Variants in USP31 observed in about 807,000 individuals in gnomAD.
USP31 encodes ubiquitin carboxyl-terminal hydrolase 31.
A neutral mutation model predicts 119.4 loss-of-function variants in USP31; 44 were observed. The observed-to-expected ratio is 0.37, with a 90% CI of 0.29 to 0.47. USP31 has a LOEUF of 0.47. Among genes scored for constraint, USP31 ranks in the 20% least tolerant of loss-of-function variants. The pLI is 0.99. For missense variants in USP31, 1,643 were observed against 1,730.2 expected (o/e 0.95, Z 0.89); for synonymous variants, 749 against 705.6 (o/e 1.06, Z -0.97).
rs34288248 is a variant in USP31, at chr16:23,078,310, CAAAAAAAAAAAAA to C, written c.2176+1623_2176+1635del. Reference sequence around the variant, plus strand: ...CTGGTGAGAGAGCGAGACTCCGTCGCAAAAAAAAAAAAAAAAAAAAAGTATTTATAAAAAATTA... The same window carrying C: ...CTGGTGAGAGAGCGAGACTCCGTCGCAAAAAAAAGTATTTATAAAAAATTA... On this transcript the variant is annotated intron_variant, in intron 13 of 15. Transcript: ENST00000219689. Among the ~76,000 whole-genome samples, 7 of 71,146 alleles carry C rather than the reference CAAAAAAAAAAAAA, an allele frequency of 9.8e-5. No individual in the cohort carries two copies. The East Asian group carries it at 3.4e-3, about 35-fold the overall frequency. 46.7% of individuals were successfully genotyped at this position (71,146 alleles called of 152,430 possible). A position where few individuals can be genotyped will look rare whatever the true frequency, so the allele number is the denominator to read the frequency against.
At chr16:23,139,661 T>C (rs1903297207) in intron 1 of USP31, among the ~76,000 whole-genome samples, 1 of 152,146 alleles carries the variant, frequency 6.6e-6, no homozygotes, top group Non-Finnish European at 1.5e-5. Flanking sequence ...AATTATCACC[T>C]CTATGCAGCT....
At chr16:23,089,401 G>A (rs887768383) in intron 7 of USP31, among the ~76,000 whole-genome samples, 2 of 152,008 alleles carry the variant, frequency 1.3e-5, no homozygotes, top group East Asian at 1.9e-4. Context: ...GTTCATAGTC[G>A]GTCTGTCCTA....
chr16:23,096,807 C>T (rs1274029272), intron 6 of USP31, among the ~76,000 whole-genome samples: 1 of 152,164 alleles, frequency 6.6e-6, no homozygotes, highest in Non-Finnish European at 1.5e-5. Context: ...AGAACAAAGA[C>T]AACGTACCAG....
chr16:23,113,817 T>C (rs1489952264), intron 1 of USP31, among the ~76,000 whole-genome samples: 1 of 152,064 alleles, frequency 6.6e-6, no homozygotes, highest in Non-Finnish European at 1.5e-5. Context: ...TAAAGATGAT[T>C]CTTCAGGCTG....
chr16:23,072,336 G>C (rs1433542862), intron 14 of USP31, 139 bp from the exon 15 acceptor site: 1 of 1,188,170 alleles, frequency 8.4e-7, no homozygotes, highest in Non-Finnish European at 1.2e-6. Context: ...TCAATTCCCA[G>C]ACCCTGTGTC....
chr16:23,090,551 T>A (rs1901311005), intron 7 of USP31, 73 bp downstream of exon 7: 6 of 1,404,870 alleles, frequency 4.3e-6, no homozygotes, highest in Non-Finnish European at 5.7e-6. Context: ...TTTTTGCCCA[T>A]GCTTTTTAAC....
At chr16:23,145,693 T>C (rs1451296793) in intron 1 of USP31, among the ~76,000 whole-genome samples, 1 of 151,988 alleles carries the variant, frequency 6.6e-6, no homozygotes, top group African/African-American at 2.4e-5. Context: ...AGACAACAGG[T>C]GGAAATACAG....
intron 1 of USP31, among the ~76,000 whole-genome samples, chr16:23,145,321 G>T (rs1399132581): frequency 6.6e-6 from 1 of 152,276 alleles, no homozygotes; most frequent in East Asian, 1.9e-4. Flanking sequence ...TTCCTTTGTA[G>T]CAAGATCCCC....
chr16:23,064,818 G>C lies in USP31; in HGVS notation c.*3228C>G, dbSNP rs1311149426. On this transcript the variant is annotated 3_prime_UTR_variant, in exon 16 of 16. Transcript: ENST00000219689. ...TGCTCAAAGAAGGCCCTCCATAAAC[G>C]TTTGCAGAATGAATGATGAAAACAA... 6.8e-6 allele frequency: 1 copy of C among 146,906 alleles called. No individual in the cohort carries two copies. Among genetic ancestry groups the C allele is most frequent in the African/African-American group, 2.5e-5 (1 of 40,734 alleles). The allele number at this position is 146,906 out of a possible 1,614,324, so 9.1% of individuals were successfully genotyped here. A position where few individuals can be genotyped will look rare whatever the true frequency, so the allele number is the denominator to read the frequency against.
chr16:23,121,715 TAAC>T (rs1235754445), intron 1 of USP31, among the ~76,000 whole-genome samples: 1 of 152,216 alleles, frequency 6.6e-6, no homozygotes, highest in African/African-American at 2.4e-5. Flanking sequence ...ATTTTCTACT[TAAC>T]AACTTAAAGA....
chr16:23,144,531 G>A lies in USP31; in HGVS notation c.633+4107C>T, dbSNP rs147687218. Among the ~76,000 whole-genome samples, 1,238 of 151,890 alleles carry A rather than the reference G, an allele frequency of 8.2e-3. 8 individuals are homozygous for A. Among genetic ancestry groups the A allele is most frequent in the African/African-American group, 0.013 (545 of 41,416 alleles). Reference sequence around the variant, plus strand: ...GTCTCACTCTGTCACCCAGGCTGGAGCGCAGTGACATGATCTCTGCTCACT... The same window carrying A: ...GTCTCACTCTGTCACCCAGGCTGGAACGCAGTGACATGATCTCTGCTCACT... On this transcript the variant is annotated intron_variant, in intron 1 of 15. Coordinates refer to ENST00000219689, the MANE Select transcript of USP31 (RefSeq NM_020718.4).
chr16:23,075,554 C>T (rs1900531920), intron 13 of USP31, among the ~76,000 whole-genome samples: 2 of 152,000 alleles, frequency 1.3e-5, no homozygotes, highest in East Asian at 3.9e-4. Context: ...GAGAGAAGCA[C>T]CAAAAAGGAG....
rs1900030774 is a variant in USP31 at position 23,065,523 on chromosome 16, TTTACCAAC to T, written c.*2515_*2522del. 6.6e-6 allele frequency: 1 copy of T among 152,558 alleles called. No homozygotes were observed. The allele number at this position is 152,558 out of a possible 1,614,324, so 9.5% of individuals were successfully genotyped here. ...GTTGGAGATAATGAAATTTTCACTG[TTTACCAAC>T]TATGGAAATAAAATAGCTTCATGAT... On this transcript the variant is annotated 3_prime_UTR_variant, in exon 16 of 16. Coordinates refer to ENST00000219689, the MANE Select transcript of USP31 (RefSeq NM_020718.4).
At position 23,067,913 on chromosome 16, in the gene USP31, T is replaced by TCA. The variant is rs113946424; in HGVS notation, c.*131_*132dup. Reference sequence around the variant, plus strand: ...GAATTAGACACACACACGCATACACTCACACACACACACACAGTCGGGCAC... The same window carrying TCA: ...GAATTAGACACACACACGCATACACTCACACACACACACACACAGTCGGGCAC... On this transcript the variant is annotated 3_prime_UTR_variant, in exon 16 of 16. Transcript: ENST00000219689. 175,711 of 1,009,042 alleles carry TCA rather than the reference T, an allele frequency of 0.17. 8,468 individuals carry two copies. Among genetic ancestry groups the TCA allele is most frequent in the Admixed American group, 0.28 (10,643 of 37,520 alleles). The allele number at this position is 1,009,042 out of a possible 1,614,324, so 62.5% of individuals were successfully genotyped here.
intron 2 of USP31, 86 bp from the exon 3 acceptor site, chr16:23,106,573 G>T: frequency 7.5e-7 from 1 of 1,328,728 alleles, no homozygotes. Context: ...ATATGATCTT[G>T]ACTTCCTTTA....
At chr16:23,086,116 C>CT (rs1368785548) in intron 9 of USP31, among the ~76,000 whole-genome samples, 3 of 152,186 alleles carry the variant, frequency 2.0e-5, no homozygotes, top group Admixed American at 1.3e-4. Flanking sequence ...TCCTCCAAAG[C>CT]TACCCCCGTC....
chr16:23,082,579 C>T, intron 11 of USP31, 22 bp from the exon 12 acceptor site: 1 of 1,613,454 alleles, frequency 6.2e-7, no homozygotes, highest in Non-Finnish European at 8.5e-7. Context: ...AGCATGACTC[C>T]CGTTAAGTGC....
At position 23,081,694 on chromosome 16, in the gene USP31, C is replaced by A. The variant is rs897276825; in HGVS notation, c.1950+744G>T. Reference sequence around the variant, plus strand: ...CGCCCCCAAAGGGTTCCTTGGACAACCAGCATCCACCCACGTCTTCCATCA... The same window carrying A: ...CGCCCCCAAAGGGTTCCTTGGACAAACAGCATCCACCCACGTCTTCCATCA... On this transcript the variant is annotated intron_variant, in intron 12 of 15. Coordinates refer to ENST00000219689, the MANE Select transcript of USP31 (RefSeq NM_020718.4). 4.6e-5 allele frequency among the ~76,000 whole-genome samples: 7 copies of A among 152,354 alleles called. 1 individual carries two copies. The highest frequency in any genetic ancestry group is 4.6e-4 in the Admixed American group (7 of 15,312).
At chr16:23,071,086 G>C (rs1900324211) in intron 15 of USP31, among the ~76,000 whole-genome samples, 1 of 152,178 alleles carries the variant, frequency 6.6e-6, no homozygotes, top group Non-Finnish European at 1.5e-5. Context: ...GATGTGAGGA[G>C]CCGGAAGGAG....
Sources: gnomAD v4.1 joint callset for allele counts (sites outside exome capture counted in the v4.1 genomes callset) on GRCh38, gnomAD v4.1.1 for gene constraint, MANE v1.5 for transcripts, NCBI Gene and HGNC (gene_info 2026-07-23, HGNC 2026-07-21) for gene names.